PHEX: variants seen among roughly 807,000 people sequenced by gnomAD.
PHEX encodes the protein phosphate-regulating neutral endopeptidase PHEX.
Under a neutral mutation model 68.0 loss-of-function variants are expected in PHEX, and 16 were observed. That is an observed-to-expected ratio of 0.24 (90% CI 0.16 to 0.36). PHEX has a LOEUF of 0.36. PHEX is among the 10% of genes least tolerant of loss of function. PHEX has a pLI of 1.00. For missense variants in PHEX, 480 were observed against 575.5 expected (o/e 0.83, Z 1.70); for synonymous variants, 208 against 205.1 (o/e 1.01, Z -0.12).
intron 21 of PHEX, among the ~76,000 whole-genome samples, chrX:22,246,850 G>A (rs1955192034): frequency 1.8e-5 from 2 of 112,131 alleles, no homozygotes; most frequent in African/African-American, 6.5e-5. Flanking sequence ...GGAAGAAATA[G>A]TCAGGGACTG....
chrX:22,153,209 G>A (rs1472924639), intron 12 of PHEX, among the ~76,000 whole-genome samples: 7 of 110,927 alleles, frequency 6.3e-5, no homozygotes, highest in Non-Finnish European at 1.3e-4. Flanking sequence ...GGCTGGTCTC[G>A]AACTCCTGGG....
At chrX:22,157,461 A>G (rs1037593227) in intron 12 of PHEX, among the ~76,000 whole-genome samples, 7 of 112,613 alleles carry the variant, frequency 6.2e-5, no homozygotes, top group African/African-American at 2.3e-4. Flanking sequence ...TCTAAAATCT[A>G]TTGCTACTAC....
chrX:22,099,470 C>T, intron 9 of PHEX: 15 of 191,697 alleles, frequency 7.8e-5, no homozygotes, highest in East Asian at 2.7e-4. Context: ...GTGTGAACAT[C>T]TTTTTTTTTC....
At chrX:22,172,189 C>A (rs1223430281) in intron 13 of PHEX, 1 of 111,628 alleles carries the variant, frequency 9.0e-6, no homozygotes, top group African/African-American at 3.3e-5. Flanking sequence ...TGCAGGAAAG[C>A]CTGTTAGCCT....
Position 22,035,997 on chromosome X carries a change from T to TACAC in PHEX, c.119-2471_119-2470insCACA, listed in dbSNP as rs1401114669. ...TCTGTCAGTGTCCCAATTAATTAATTATACACACACACACACACACACACA... is the reference window on the plus strand; with the variant it reads ...TCTGTCAGTGTCCCAATTAATTAATTACACATACACACACACACACACACACACA... On this transcript the variant is annotated intron_variant, in intron 1 of 21. Transcript: ENST00000379374. Among the ~76,000 whole-genome samples, 106 of 71,494 alleles carry TACAC rather than the reference T, an allele frequency of 1.5e-3. 1 individual carries two copies. The highest frequency in any genetic ancestry group is 6.3e-3 in the African/African-American group (102 of 16,286). The allele number at this position is 71,494 out of a possible 115,157, so 62.1% of individuals were successfully genotyped here.
intron 3 of PHEX, among the ~76,000 whole-genome samples, chrX:22,048,922 G>T (rs1009826423): frequency 1.8e-5 from 2 of 111,402 alleles, no homozygotes; most frequent in Non-Finnish European, 3.8e-5. Flanking sequence ...TTCTTTCCAG[G>T]TTTTGTTGCA....
intron 20 of PHEX, among the ~76,000 whole-genome samples, chrX:22,239,310 A>T (rs949131282): frequency 1.8e-5 from 2 of 111,268 alleles, no homozygotes; most frequent in Non-Finnish European, 3.8e-5. Flanking sequence ...AAACTCCAAA[A>T]CCCAGAACGC....
intron 20 of PHEX, among the ~76,000 whole-genome samples, chrX:22,236,450 G>A: frequency 8.9e-6 from 1 of 112,737 alleles, no homozygotes; most frequent in Non-Finnish European, 1.9e-5. Context: ...GATATTTTTA[G>A]ATCAATTGCT....
chrX:22,049,385 G>A lies in PHEX; in HGVS notation c.349+2174G>A, dbSNP rs1214525846. ...TGCCTCAGCCTCCCAAAGTGCTGGG[G>A]TTACAGGCATGAGCCACCGCGCCTG... On this transcript the variant is annotated intron_variant, in intron 3 of 21. Coordinates refer to ENST00000379374, the MANE Select transcript of PHEX (RefSeq NM_000444.6). Among the ~76,000 whole-genome samples the A allele has an allele frequency of 2.7e-5, 3 of 109,934 alleles. No homozygotes were observed. The Admixed American group carries it at 2.9e-4, about 11-fold the overall frequency.
chrX:22,046,533 T>C (rs1927534147), intron 2 of PHEX, among the ~76,000 whole-genome samples: 1 of 108,754 alleles, frequency 9.2e-6, no homozygotes, highest in African/African-American at 3.4e-5. Flanking sequence ...AAACCAGTGA[T>C]GATAATACCA....
chrX:22,179,432 T>G (rs1933813525), intron 14 of PHEX, among the ~76,000 whole-genome samples: 1 of 111,350 alleles, frequency 9.0e-6, no homozygotes, highest in African/African-American at 3.3e-5. Context: ...ACACGAGCAG[T>G]GTACATGTAT....
rs1205004938 is a variant in PHEX at position 22,251,006 on chromosome X, C to T, written c.*3053C>T. The stretch of plus-strand genomic sequence containing the variant: ...GATTAAACTCTATCCCTTAGATTAT[C>T]CCATTTCTAAATACATTTATTCAAT... On this transcript the variant is annotated 3_prime_UTR_variant, in exon 22 of 22. Coordinates refer to ENST00000379374, the MANE Select transcript of PHEX (RefSeq NM_000444.6). 8.9e-6 allele frequency: 1 copy of T among 112,086 alleles called. No homozygotes were observed. Among genetic ancestry groups the T allele is most frequent in the Non-Finnish European group, 1.9e-5 (1 of 53,224 alleles). The allele number at this position is 112,086 out of a possible 1,213,427, so 9.2% of individuals were successfully genotyped here.
chrX:22,103,019 A>G (rs1930499899), intron 9 of PHEX, among the ~76,000 whole-genome samples: 1 of 111,931 alleles, frequency 8.9e-6, no homozygotes, highest in Non-Finnish European at 1.9e-5. Flanking sequence ...CACTTTACAG[A>G]TGAGGAAGCT....
chrX:22,086,460 T>C (rs1288123521), intron 5 of PHEX, among the ~76,000 whole-genome samples: 1 of 112,138 alleles, frequency 8.9e-6, no homozygotes, highest in East Asian at 2.8e-4. Context: ...CTTTTTCCAG[T>C]GTAGAAACTA....
chrX:22,247,824 C>A, intron 21 of PHEX, 27 bp from the exon 22 acceptor site: 1 of 993,536 alleles, frequency 1.0e-6, no homozygotes, highest in Non-Finnish European at 1.4e-6. Flanking sequence ...AATTATATGA[C>A]ATATGCTTTG....
intron 20 of PHEX, among the ~76,000 whole-genome samples, chrX:22,244,517 G>A (rs182271279): frequency 6.3e-5 from 7 of 111,058 alleles, no homozygotes; most frequent in African/African-American, 2.0e-4. Flanking sequence ...CAGGAGAATC[G>A]CTTGAACCCA....
chrX:22,247,839 A>T lies in PHEX; in HGVS notation c.2148-12A>T, dbSNP rs1464955441. ...AATTATATGACATATGCTTTGACAT[A>T]TCGTTTTTCAGGGTCAATGGTGCAA... On this transcript the variant is annotated splice_polypyrimidine_tract_variant and intron_variant, in intron 21 of 21. Coordinates refer to ENST00000379374, the MANE Select transcript of PHEX (RefSeq NM_000444.6). The T allele has an allele frequency of 1.8e-6, 2 of 1,128,504 alleles. No individual in the cohort carries two copies. The highest frequency in any genetic ancestry group is 6.0e-5 in the East Asian group (2 of 33,481). 93.0% of individuals were successfully genotyped at this position (1,128,504 alleles called of 1,213,427 possible).
chrX:22,097,459 G>A (rs2036919248), intron 8 of PHEX, among the ~76,000 whole-genome samples: 1 of 111,849 alleles, frequency 8.9e-6, no homozygotes, highest in South Asian at 3.8e-4. Context: ...TGCTGTCAGA[G>A]CAGGAAGAAG....
Position 22,036,808 on chromosome X carries a change from C to CTGAGA in PHEX, c.119-1658_119-1654dup, listed in dbSNP as rs199900713. Among the ~76,000 whole-genome samples the CTGAGA allele has an allele frequency of 6.5e-3, 704 of 107,641 alleles. 11 individuals carry two copies. Among genetic ancestry groups the CTGAGA allele is most frequent in the African/African-American group, 0.023 (668 of 29,515 alleles). 93.5% of individuals were successfully genotyped at this position (107,641 alleles called of 115,157 possible). On this transcript the variant is annotated intron_variant, in intron 1 of 21. Coordinates refer to ENST00000379374, the MANE Select transcript of PHEX (RefSeq NM_000444.6). ...GAAACTTATTTTCTTAAAAACAGGA[C>CTGAGA]TGAGATGGGCCAGGCGCAGTGGCTC...
Sources: gnomAD v4.1 joint callset for allele counts (sites outside exome capture counted in the v4.1 genomes callset) on GRCh38, gnomAD v4.1.1 for gene constraint, MANE v1.5 for transcripts, NCBI Gene and HGNC (gene_info 2026-07-23, HGNC 2026-07-21) for gene names.